ZNF519: variants seen among roughly 807,000 people sequenced by gnomAD.
ZNF519 encodes the protein similar to Zinc finger protein 85 (Zinc finger protein HPF4) (HTF1).
In ZNF519, 7 loss-of-function variants were observed where a neutral mutation model predicts 7.4. That is an observed-to-expected ratio of 0.94 (90% CI 0.54 to 1.77). ZNF519 has a LOEUF of 1.77. ZNF519 is among the 40% of genes most tolerant of loss of function. The pLI, the probability that ZNF519 is intolerant of heterozygous loss-of-function variation, is 0.00. For missense variants in ZNF519, 586 were observed against 623.1 expected (o/e 0.94, Z 0.63); for synonymous variants, 179 against 203.3 (o/e 0.88, Z 1.02).
intron 2 of ZNF519, among the ~76,000 whole-genome samples, chr18:14,091,229 G>C (rs2046113207): frequency 6.6e-6 from 1 of 152,090 alleles, no homozygotes; most frequent in Admixed American, 6.5e-5. Context: ...ATTACACGGA[G>C]ATGGTTTTCT....
intron 2 of ZNF519, among the ~76,000 whole-genome samples, chr18:14,091,437 T>C (rs1298721158): frequency 4.6e-5 from 7 of 152,142 alleles, no homozygotes; most frequent in Non-Finnish European, 8.8e-5. Flanking sequence ...TCACCAAGGA[T>C]ACACCATTAT....
At chr18:14,130,068 T>C (rs2046322188) in intron 1 of ZNF519, among the ~76,000 whole-genome samples, 1 of 152,008 alleles carries the variant, frequency 6.6e-6, no homozygotes, top group African/African-American at 2.4e-5. Flanking sequence ...GAGACACCCT[T>C]CCCATTGTGA....
chr18:14,079,587 A>G (rs7241376), intron 3 of ZNF519, among the ~76,000 whole-genome samples: 3,356 of 152,292 alleles, frequency 0.022, 124 homozygotes, highest in African/African-American at 0.074. Context: ...AGAACAGAGA[A>G]CCTAGAAATA....
chr18:14,090,044 C>T (rs1160910786), intron 2 of ZNF519: 2 of 151,932 alleles, frequency 1.3e-5, no homozygotes, highest in African/African-American at 4.8e-5. Flanking sequence ...TGTGGAGATG[C>T]TCGGTCCACG....
intron 3 of ZNF519, among the ~76,000 whole-genome samples, chr18:14,083,214 G>T (rs927855059): frequency 6.6e-6 from 1 of 152,086 alleles, no homozygotes; most frequent in African/African-American, 2.4e-5. Context: ...GCCGGGCGTG[G>T]TGATGTGCAC....
Position 14,104,778 on chromosome 18 carries a change from A to C in ZNF519, c.*139T>G, listed in dbSNP as rs564920401. On this transcript the variant is annotated 3_prime_UTR_variant, in exon 3 of 3. Coordinates refer to ENST00000590202, the MANE Select transcript of ZNF519 (RefSeq NM_145287.4). ...AGTTCTTTCTAAAGTGACACTTCTA[A>C]TTTTTATTTAATCTTCATTTTGATG... 1 of 998,694 alleles carries C rather than the reference A, an allele frequency of 1.0e-6. No homozygotes were observed. Among genetic ancestry groups the C allele is most frequent in the Non-Finnish European group, 1.4e-6 (1 of 724,880 alleles). The allele number at this position is 998,694 out of a possible 1,614,324, so 61.9% of individuals were successfully genotyped here.
intron 2 of ZNF519, among the ~76,000 whole-genome samples, chr18:14,108,082 G>A (rs951497546): frequency 6.6e-6 from 1 of 152,138 alleles, no homozygotes; most frequent in Non-Finnish European, 1.5e-5. Context: ...CCAGGACCTT[G>A]AGCAATTACT....
At chr18:14,129,436 G>C (rs1404146642) in intron 1 of ZNF519, among the ~76,000 whole-genome samples, 9 of 151,878 alleles carry the variant, frequency 5.9e-5, no homozygotes, top group African/African-American at 1.9e-4. Flanking sequence ...GGAGGGAATA[G>C]GTTCTCAGAG....
At chr18:14,079,657 G>A (rs1450654282) in intron 3 of ZNF519, among the ~76,000 whole-genome samples, 1 of 152,150 alleles carries the variant, frequency 6.6e-6, no homozygotes, top group African/African-American at 2.4e-5. Context: ...ATAAAATGTA[G>A]CTAAGATAGC....
rs1179278099 is a variant in ZNF519, at chr18:14,104,456, T to G, written c.*461A>C. On this transcript the variant is annotated 3_prime_UTR_variant, in exon 3 of 3. Coordinates refer to ENST00000590202, the MANE Select transcript of ZNF519 (RefSeq NM_145287.4). ...CATGAGACATGTGAATGATGACATG[T>G]GAATGAGACATGTGAATGATGCCTA... The G allele has an allele frequency of 2.6e-5, 4 of 153,364 alleles. No individual in the cohort carries two copies. The highest frequency in any genetic ancestry group is 9.7e-5 in the African/African-American group (4 of 41,346). The allele number at this position is 153,364 out of a possible 1,614,324, so 9.5% of individuals were successfully genotyped here. A position where few individuals can be genotyped will look rare whatever the true frequency, so the allele number is the denominator to read the frequency against.
At chr18:14,128,213 A>G (rs2046310642) in intron 1 of ZNF519, among the ~76,000 whole-genome samples, 1 of 152,074 alleles carries the variant, frequency 6.6e-6, no homozygotes, top group Admixed American at 6.5e-5. Context: ...GAATGGCATG[A>G]ACCTGGGAGG....
chr18:14,072,329 T>C (rs528356863), downstream of ZNF519: 5 of 152,188 alleles, frequency 3.3e-5, no homozygotes, highest in Non-Finnish European at 7.3e-5. Flanking sequence ...GATACTCGGT[T>C]TATAATCATA....
intron 2 of ZNF519, among the ~76,000 whole-genome samples, chr18:14,108,916 C>T (rs141276145): frequency 0.036 from 5,420 of 151,878 alleles, 311 homozygotes; most frequent in African/African-American, 0.12. Flanking sequence ...CATGGAGAAA[C>T]CCCATCTCTA....
intron 1 of ZNF519, among the ~76,000 whole-genome samples, chr18:14,129,084 A>G (rs1405041770): frequency 6.6e-6 from 1 of 152,180 alleles, no homozygotes; most frequent in African/African-American, 2.4e-5. Context: ...GAATTGGTTA[A>G]GGAACTGGTT....
At chr18:14,124,783 A>G (rs1475394032) in intron 1 of ZNF519, among the ~76,000 whole-genome samples, 2 of 152,070 alleles carry the variant, frequency 1.3e-5, no homozygotes, top group Non-Finnish European at 2.9e-5. Flanking sequence ...GGAAGCCCTC[A>G]TGTTTGACCC....
At chr18:14,077,876 C>T (rs746574207) in intron 4 of ZNF519, among the ~76,000 whole-genome samples, 1 of 152,156 alleles carries the variant, frequency 6.6e-6, no homozygotes, top group Non-Finnish European at 1.5e-5. Flanking sequence ...TGGGATCATA[C>T]AATAGACTGG....
chr18:14,085,955 C>T (rs1174672170), intron 2 of ZNF519, among the ~76,000 whole-genome samples: 1 of 152,208 alleles, frequency 6.6e-6, no homozygotes, highest in Non-Finnish European at 1.5e-5. Context: ...GGCGTATCAG[C>T]ATGGGCCTGG....
At chr18:14,109,989 A>G (rs1303173771) in intron 2 of ZNF519, among the ~76,000 whole-genome samples, 1 of 152,170 alleles carries the variant, frequency 6.6e-6, no homozygotes, top group African/African-American at 2.4e-5. Context: ...ATTAAAATAG[A>G]CACATAGACC....
chr18:14,079,096 A>C (rs1168830464), intron 3 of ZNF519, among the ~76,000 whole-genome samples: 7 of 152,270 alleles, frequency 4.6e-5, no homozygotes, highest in Non-Finnish European at 1.0e-4. Context: ...TGAATTTCAC[A>C]ATTTTCCTTT....
Sources: gnomAD v4.1 joint callset for allele counts (sites outside exome capture counted in the v4.1 genomes callset) on GRCh38, gnomAD v4.1.1 for gene constraint, MANE v1.5 for transcripts, NCBI Gene and HGNC (gene_info 2026-07-23, HGNC 2026-07-21) for gene names.